The following ZBTB20 variants were observed in gnomAD, a reference collection of about 807,000 sequenced individuals.
ZBTB20 encodes zinc finger and BTB domain containing 20.
In ZBTB20, 9 loss-of-function variants were observed where a neutral mutation model predicts 56.9. That is an observed-to-expected ratio of 0.16 (90% CI 0.10 to 0.28). The LOEUF (loss-of-function observed/expected upper bound fraction) is 0.28. Among genes scored for constraint, ZBTB20 ranks in the 10% least tolerant of loss-of-function variants. The pLI is 1.00. For missense variants in ZBTB20, 655 were observed against 1,003.0 expected (o/e 0.65, Z 4.69); for synonymous variants, 417 against 420.7 (o/e 0.99, Z 0.11).
intron 1 of ZBTB20, among the ~76,000 whole-genome samples, chr3:115,082,497 C>T (rs1005963842): frequency 6.6e-6 from 1 of 152,100 alleles, no homozygotes; most frequent in Non-Finnish European, 1.5e-5. Context: ...TTCACACACA[C>T]ACAGATAGTA....
intron 5 of ZBTB20, among the ~76,000 whole-genome samples, chr3:114,720,899 A>G (rs2064866425): frequency 6.6e-6 from 1 of 152,190 alleles, no homozygotes; most frequent in African/African-American, 2.4e-5. Flanking sequence ...ATAGGGGTTT[A>G]GAGAGAAAAT....
At chr3:114,851,823 A>G (rs2075014824) in intron 4 of ZBTB20, among the ~76,000 whole-genome samples, 1 of 152,062 alleles carries the variant, frequency 6.6e-6, no homozygotes, top group South Asian at 2.1e-4. Flanking sequence ...TCCTCCGAAC[A>G]CTGTTTTATC....
intron 5 of ZBTB20, among the ~76,000 whole-genome samples, chr3:114,711,652 T>C (rs2064092400): frequency 6.6e-6 from 1 of 152,224 alleles, no homozygotes; most frequent in Non-Finnish European, 1.5e-5. Flanking sequence ...TAGACTGGCA[T>C]CAAATGCTGA....
At chr3:114,787,368 T>TATACACACACAC (rs1433434685) in intron 5 of ZBTB20, among the ~76,000 whole-genome samples, 1 of 106,332 alleles carries the variant, frequency 9.4e-6, no homozygotes, top group African/African-American at 4.5e-5. Flanking sequence ...TATATATATA[T>TATACACACACAC]ACACACACAC....
At chr3:114,405,836 C>A (rs2087265224) in intron 7 of ZBTB20, among the ~76,000 whole-genome samples, 1 of 152,012 alleles carries the variant, frequency 6.6e-6, no homozygotes, top group Non-Finnish European at 1.5e-5. Context: ...CTGCATTTGG[C>A]TGAGAACTGG....
chr3:114,852,059 A>G (rs1350732990), intron 4 of ZBTB20, among the ~76,000 whole-genome samples: 1 of 151,948 alleles, frequency 6.6e-6, no homozygotes, highest in Non-Finnish European at 1.5e-5. Flanking sequence ...CTTATTCACA[A>G]TTGTGGTAAT....
intron 6 of ZBTB20, among the ~76,000 whole-genome samples, chr3:114,648,767 C>T (rs147353754): frequency 7.2e-4 from 110 of 152,086 alleles, no homozygotes; most frequent in Non-Finnish European, 8.8e-4. Flanking sequence ...AGAGGAAGAT[C>T]ATTGACACTG....
At chr3:114,431,071 T>C (rs1401112455) in intron 7 of ZBTB20, among the ~76,000 whole-genome samples, 1 of 151,996 alleles carries the variant, frequency 6.6e-6, no homozygotes, top group Admixed American at 6.6e-5. Flanking sequence ...CACACAAACA[T>C]ACACCCCAGT....
At chr3:114,561,523 T>A (rs1399270804) in intron 6 of ZBTB20, among the ~76,000 whole-genome samples, 1 of 152,158 alleles carries the variant, frequency 6.6e-6, no homozygotes, top group African/African-American at 2.4e-5. Flanking sequence ...TTTGTACATC[T>A]CCATCAGAGT....
At chr3:115,052,499 T>C (rs1217726654) in intron 2 of ZBTB20, among the ~76,000 whole-genome samples, 1 of 151,924 alleles carries the variant, frequency 6.6e-6, no homozygotes, top group African/African-American at 2.4e-5. Context: ...CTATCTTGTA[T>C]ACTAAAGAAA....
At chr3:114,614,594 T>C (rs2057789287) in intron 6 of ZBTB20, among the ~76,000 whole-genome samples, 1 of 152,142 alleles carries the variant, frequency 6.6e-6, no homozygotes, top group African/African-American at 2.4e-5. Flanking sequence ...TTCTGAACCA[T>C]GATAATTCTG....
chr3:114,417,591 T>C (rs941570358), intron 7 of ZBTB20, among the ~76,000 whole-genome samples: 1 of 152,094 alleles, frequency 6.6e-6, no homozygotes, highest in East Asian at 1.9e-4. Context: ...TTCTGGAATT[T>C]CTGCAGTGTT....
At chr3:114,850,455 G>T (rs966668595) in intron 4 of ZBTB20, among the ~76,000 whole-genome samples, 1 of 152,122 alleles carries the variant, frequency 6.6e-6, no homozygotes, top group African/African-American at 2.4e-5. Flanking sequence ...TTCATTAAGA[G>T]GTATGCTGTA....
rs552422011 is a variant in ZBTB20, at chr3:114,553,035, C to T, written c.-294-52644G>A. Among the ~76,000 whole-genome samples the T allele has an allele frequency of 2.4e-4, 36 of 152,328 alleles. 2 individuals are homozygous for T. In the South Asian group the frequency reaches 6.2e-3, roughly 26 times the overall value. On this transcript the variant is annotated intron_variant, in intron 6 of 11. Transcript: ENST00000675478. Reference sequence around the variant, plus strand: ...ATTTACCCTTTTCTCTCCAAATCCACGTTTATTTCTTGAGACAGTTATATG... The same window carrying T: ...ATTTACCCTTTTCTCTCCAAATCCATGTTTATTTCTTGAGACAGTTATATG...
In ZBTB20 at chr3:114,959,839, T is replaced by C. The variant is rs991477039; in HGVS notation, c.-456+14527A>G. On this transcript the variant is annotated intron_variant, in intron 3 of 11. Transcript: ENST00000675478. Reference sequence around the variant, plus strand: ...AAACAGTGGCAAATACAAAAGTCTTTCTTAATTAAAAAGCTAGCTGCAGAT... The same window carrying C: ...AAACAGTGGCAAATACAAAAGTCTTCCTTAATTAAAAAGCTAGCTGCAGAT... Among the ~76,000 whole-genome samples the C allele has an allele frequency of 3.7e-4, 57 of 152,052 alleles. 1 individual carries two copies. Among genetic ancestry groups the C allele is most frequent in the African/African-American group, 1.4e-3 (57 of 41,412 alleles).
intron 7 of ZBTB20, among the ~76,000 whole-genome samples, chr3:114,467,384 GGATGAAAGATCATTCA>G (rs2092596397): frequency 6.6e-6 from 1 of 152,144 alleles, no homozygotes; most frequent in Non-Finnish European, 1.5e-5. Context: ...AAGGGAGGAT[GGATGAAAGATCATTCA>G]GATGAACAGG....
chr3:114,767,994 T>C (rs1306433983), intron 5 of ZBTB20, among the ~76,000 whole-genome samples: 1 of 152,108 alleles, frequency 6.6e-6, no homozygotes, highest in Non-Finnish European at 1.5e-5. Flanking sequence ...TAAAGTATAT[T>C]TGCATACATT....
chr3:114,660,127 T>G (rs1380927519), intron 6 of ZBTB20, among the ~76,000 whole-genome samples: 1 of 152,094 alleles, frequency 6.6e-6, no homozygotes, highest in Non-Finnish European at 1.5e-5. Flanking sequence ...AAAAAATAAA[T>G]AAAGAACTCC....
intron 4 of ZBTB20, among the ~76,000 whole-genome samples, chr3:114,870,913 C>T (rs2075979078): frequency 6.6e-6 from 1 of 151,936 alleles, no homozygotes; most frequent in Admixed American, 6.6e-5. Context: ...TTCCTTTTAC[C>T]CAAGTGAAAT....
Sources: allele counts gnomAD v4.1 joint callset (sites outside exome capture counted in the v4.1 genomes callset), GRCh38; gene constraint gnomAD v4.1.1; transcripts MANE v1.5; gene names NCBI Gene and HGNC (gene_info 2026-07-23, HGNC 2026-07-21).